The following CSMD1 variants were observed in gnomAD, a reference collection of about 807,000 sequenced individuals.
CSMD1 encodes the protein CUB and sushi domain-containing protein 1.
Under a neutral mutation model 417.5 loss-of-function variants are expected in CSMD1, and 213 were observed. The observed-to-expected ratio is 0.51, with a 90% confidence interval of 0.46 to 0.57. The LOEUF (loss-of-function observed/expected upper bound fraction) is 0.57, where lower values mean the gene tolerates loss of function less well. CSMD1 is among the 20% of genes least tolerant of loss of function. The probability of loss-of-function intolerance (pLI) is 0.00; values close to 1 mark genes in which losing one functional copy is unlikely to be tolerated. For missense variants in CSMD1, 6,923 were observed against 4,529.7 expected, an observed-to-expected ratio of 1.53 and a Z score of -15.17; for synonymous variants, 2,862 against 1,736.8, an observed-to-expected ratio of 1.65 and a Z score of -16.11.
chr8:3,111,091 A>C (rs1244082091), intron 42 of CSMD1, among the ~76,000 whole-genome samples: 1 of 152,216 alleles, frequency 6.6e-6, no homozygotes, highest in Non-Finnish European at 1.5e-5. Context: ...CTGAAATCAA[A>C]CCAACAGCTA....
In CSMD1 at chr8:3,813,670, C is replaced by G. The variant is rs1469666149; in HGVS notation, c.819-59628G>C. Among the ~76,000 whole-genome samples, 3 of 152,108 alleles carry G rather than the reference C, an allele frequency of 2.0e-5. No individual in the cohort carries two copies. The East Asian group carries it at 5.8e-4, about 29-fold the overall frequency. On this transcript the variant is annotated intron_variant, in intron 5 of 69. Transcript: ENST00000635120. Reference sequence around the variant, plus strand: ...TAATTATACAAAATTATTTAAGTGGCTTAAAAGCCCTGTACTTTCCAATAT... The same window carrying G: ...TAATTATACAAAATTATTTAAGTGGGTTAAAAGCCCTGTACTTTCCAATAT...
intron 18 of CSMD1, among the ~76,000 whole-genome samples, chr8:3,384,073 G>C (rs76222384): frequency 6.6e-6 from 1 of 152,074 alleles, no homozygotes; most frequent in Non-Finnish European, 1.5e-5. Context: ...CTGTGAAAGC[G>C]AAGTGTGGAG....
Position 4,261,214 on chromosome 8 carries a change from G to T in CSMD1, c.415+158739C>A, listed in dbSNP as rs555954524. Among the ~76,000 whole-genome samples, 117 of 152,234 alleles carry T rather than the reference G, an allele frequency of 7.7e-4. 1 individual carries two copies. Among genetic ancestry groups the T allele is most frequent in the African/African-American group, 2.6e-3 (109 of 41,546 alleles). ...AAGTTAAAAGCTACTAGAGAAAGGA[G>T]GACCAGCCATTCCTGAATCTTGTGT... is the stretch of plus-strand genomic sequence containing the variant. On this transcript the variant is annotated intron_variant, in intron 3 of 69. Coordinates refer to ENST00000635120, the MANE Select transcript of CSMD1 (RefSeq NM_033225.6).
At chr8:3,359,070 C>T (rs897867711) in intron 21 of CSMD1, 82 bp downstream of exon 21, 94 of 1,391,258 alleles carry the variant, frequency 6.8e-5, no homozygotes, top group African/African-American at 3.3e-4. Context: ...AACCCCCACC[C>T]GACCCCGACC....
rs1011406596 is a variant in CSMD1, at chr8:3,578,942, C to T, written c.1223-3876G>A. 5.9e-5 allele frequency among the ~76,000 whole-genome samples: 9 copies of T among 152,200 alleles called. No individual in the cohort carries two copies. In the East Asian group the frequency reaches 1.2e-3, roughly 20 times the overall value. ...GCCATCGTGGATATCTGTAGACGCA[C>T]GTTTACACAAACTATAGTAGAATGC... On this transcript the variant is annotated intron_variant, in intron 9 of 69. Coordinates refer to ENST00000635120, the MANE Select transcript of CSMD1 (RefSeq NM_033225.6).
chr8:4,464,603 C>T (rs1800042904), intron 2 of CSMD1, among the ~76,000 whole-genome samples: 1 of 152,142 alleles, frequency 6.6e-6, no homozygotes. Context: ...CGTGTTATTA[C>T]TTTCACGCTA....
intron 26 of CSMD1, among the ~76,000 whole-genome samples, chr8:3,270,902 TC>T (rs1458805728): frequency 4.8e-5 from 4 of 82,848 alleles, no homozygotes; most frequent in Admixed American, 2.8e-4. Context: ...GCAAGTCACA[TC>T]TTTTTTTCTT....
chr8:4,826,557 C>A (rs1331765183), intron 1 of CSMD1, among the ~76,000 whole-genome samples: 1 of 152,032 alleles, frequency 6.6e-6, no homozygotes, highest in Non-Finnish European at 1.5e-5. Flanking sequence ...TGCGTAGTGA[C>A]CAAGTTAGCG....
intron 5 of CSMD1, among the ~76,000 whole-genome samples, chr8:3,760,620 T>C (rs1797940470): frequency 6.6e-6 from 1 of 152,254 alleles, no homozygotes; most frequent in African/African-American, 2.4e-5. Context: ...ATTTCGCGTA[T>C]GTGACTTGAA....
intron 7 of CSMD1, among the ~76,000 whole-genome samples, chr8:3,663,254 G>A (rs77393799): frequency 1.3e-5 from 2 of 152,184 alleles, no homozygotes; most frequent in Non-Finnish European, 2.9e-5. Flanking sequence ...CTCCATGAAA[G>A]TGAGAGAGTG....
intron 3 of CSMD1, among the ~76,000 whole-genome samples, chr8:4,372,913 C>A (rs971267282): frequency 6.6e-6 from 1 of 152,216 alleles, no homozygotes; most frequent in Admixed American, 6.5e-5. Context: ...CTCCCCATCC[C>A]TTAAGCATGA....
chr8:3,211,820 G>T (rs1797626618), intron 30 of CSMD1, among the ~76,000 whole-genome samples: 1 of 152,210 alleles, frequency 6.6e-6, no homozygotes, highest in South Asian at 2.1e-4. Flanking sequence ...GCAGCTCCTG[G>T]CCAACCTCAA....
intron 1 of CSMD1, among the ~76,000 whole-genome samples, chr8:4,718,772 T>A (rs1403032674): frequency 6.6e-6 from 1 of 152,032 alleles, no homozygotes; most frequent in East Asian, 1.9e-4. Flanking sequence ...ATACTCTTTT[T>A]AAAGCAATAG....
intron 3 of CSMD1, among the ~76,000 whole-genome samples, chr8:4,190,581 T>C (rs995403119): frequency 1.2e-4 from 18 of 151,850 alleles, no homozygotes; most frequent in African/African-American, 4.3e-4. Context: ...TGATGATCTA[T>C]TCCCATGTTT....
At chr8:4,571,790 G>C (rs921538387) in intron 2 of CSMD1, among the ~76,000 whole-genome samples, 1 of 152,166 alleles carries the variant, frequency 6.6e-6, no homozygotes, top group African/African-American at 2.4e-5. Context: ...CTAAGAACTT[G>C]CTTTCCGAAT....
intron 1 of CSMD1, among the ~76,000 whole-genome samples, chr8:4,953,003 T>C (rs1270908403): frequency 6.6e-6 from 1 of 152,178 alleles, no homozygotes; most frequent in Non-Finnish European, 1.5e-5. Context: ...TTCATACTTA[T>C]ACTAAAGGTT....
At chr8:3,891,793 G>A (rs558287168) in intron 5 of CSMD1, among the ~76,000 whole-genome samples, 1 of 152,164 alleles carries the variant, frequency 6.6e-6, no homozygotes, top group South Asian at 2.1e-4. Flanking sequence ...ATGTGATTTA[G>A]GCACATCAAT....
chr8:4,418,426 AT>A (rs1563153021), intron 3 of CSMD1, among the ~76,000 whole-genome samples: 1 of 152,180 alleles, frequency 6.6e-6, no homozygotes, highest in African/African-American at 2.4e-5. Flanking sequence ...AATTATTCAT[AT>A]AGTGATTTCT....
At chr8:2,951,470 T>C (rs1001183192) in intron 65 of CSMD1, among the ~76,000 whole-genome samples, 195 bp from the exon 66 acceptor site, 4 of 152,202 alleles carry the variant, frequency 2.6e-5, no homozygotes, top group Non-Finnish European at 5.9e-5. Context: ...AAGATTATTA[T>C]GGTATGCAAG....
Sources: gnomAD v4.1 joint callset for allele counts (sites outside exome capture counted in the v4.1 genomes callset) on GRCh38, gnomAD v4.1.1 for gene constraint, MANE v1.5 for transcripts, NCBI Gene and HGNC (gene_info 2026-07-23, HGNC 2026-07-21) for gene names.